The following GRID2IP variants were observed in gnomAD, a reference collection of about 807,000 sequenced individuals.
The protein encoded by GRID2IP is delphilin.
A neutral mutation model predicts 114.3 loss-of-function variants in GRID2IP; 78 were observed. That is an observed-to-expected ratio of 0.68 (90% confidence interval 0.57 to 0.82). The LOEUF is 0.82. Ranked by LOEUF, GRID2IP falls within the 40% of genes least tolerant of loss-of-function variation. The pLI, the probability that GRID2IP is intolerant of heterozygous loss-of-function variation, is 0.00. For missense variants in GRID2IP, 1,727 were observed against 1,678.5 expected, an observed-to-expected ratio of 1.03 and a Z score of -0.51; for synonymous variants, 809 against 724.0, an observed-to-expected ratio of 1.12 and a Z score of -1.89.
chr7:6,531,187 A>G (rs2115086676), intron 2 of GRID2IP: 1 of 482,058 alleles, frequency 2.1e-6, no homozygotes, highest in African/African-American at 2.0e-5. Context: ...CCGCGACTCC[A>G]CGCACCTCTG....
intron 16 of GRID2IP, 105 bp from the exon 17 acceptor site, chr7:6,503,268 C>T (rs1786470106): frequency 8.4e-7 from 1 of 1,184,444 alleles, no homozygotes. Context: ...TGCTTCGGCC[C>T]GATATTCCGG....
In GRID2IP at chr7:6,551,157, C is replaced by G. The variant is rs541356018; in HGVS notation, c.280G>C (p.Gly94Arg). The G allele has an allele frequency of 3.7e-6, 5 of 1,343,322 alleles. No homozygotes were observed. In the South Asian group the frequency reaches 7.1e-5, roughly 19 times the overall value. 83.2% of individuals were successfully genotyped at this position (1,343,322 alleles called of 1,614,324 possible). A position where few individuals can be genotyped will look rare whatever the true frequency, so the allele number is the denominator to read the frequency against. Residue 94 changes from glycine to arginine, a missense_variant, in exon 1 of 22, where the codon GGC becomes CGC. Transcript: ENST00000457091. ...APDGGPGPGSGPAAPTTVLRA... is the reference protein window; with the variant it reads ...APDGGPGPGSRPAAPTTVLRA... Reference sequence around the variant, plus strand: ...AAGACTGTGGTCGGGGCCGCGGGGCCGGATCCTGGGCCGGGGCCACCGTCG... The same window carrying G: ...AAGACTGTGGTCGGGGCCGCGGGGCGGGATCCTGGGCCGGGGCCACCGTCG...
rs1418184400 is a variant in GRID2IP at position 6,525,740 on chromosome 7, C to T, written c.919+484G>A. On this transcript the variant is annotated intron_variant, in intron 4 of 21. Coordinates refer to ENST00000457091, the MANE Select transcript of GRID2IP (RefSeq NM_001145118.2). ...TCCATATTCAGCAGGTGTTAGACAG[C>T]AGGCAGAGGCCCTGAGGCCCTTTTG... Among the ~76,000 whole-genome samples, 4 of 152,284 alleles carry T rather than the reference C, an allele frequency of 2.6e-5. No individual in the cohort carries two copies. In the South Asian group the frequency reaches 8.3e-4, roughly 32 times the overall value.
At chr7:6,542,902 T>G (rs1355059813) in intron 1 of GRID2IP, among the ~76,000 whole-genome samples, 2 of 152,196 alleles carry the variant, frequency 1.3e-5, no homozygotes, top group African/African-American at 4.8e-5. Context: ...CACTGACAGC[T>G]GGAGCTGACC....
chr7:6,549,391 A>G (rs949672245), intron 1 of GRID2IP, among the ~76,000 whole-genome samples: 2 of 152,166 alleles, frequency 1.3e-5, no homozygotes, highest in Non-Finnish European at 2.9e-5. Flanking sequence ...GGTCTGATCC[A>G]TTCCAGGCTC....
At chr7:6,522,112 G>A (rs1779424325) in intron 4 of GRID2IP, among the ~76,000 whole-genome samples, 155 bp from the exon 5 acceptor site, 2 of 152,164 alleles carry the variant, frequency 1.3e-5, no homozygotes, top group African/African-American at 4.8e-5. Context: ...CACTTTGGGA[G>A]GCCAAGGCAG....
In GRID2IP at chr7:6,508,350, C is replaced by T. The variant is rs558639520; in HGVS notation, c.2179G>A (p.Ala727Thr). 2.0e-5 allele frequency: 31 copies of T among 1,551,494 alleles called. No individual in the cohort carries two copies. In the South Asian group the frequency reaches 2.4e-4, roughly 12 times the overall value. The part of the protein sequence containing the change: ...GSFVTNERSS[A>T]SDCISSSEEG... Reference sequence around the variant, plus strand: ...TCACTGCTGCTGATGCAGTCGCTGGCGCTGCTCCGCTCATTGGTTACGAAG... The same window carrying T: ...TCACTGCTGCTGATGCAGTCGCTGGTGCTGCTCCGCTCATTGGTTACGAAG... The change falls in exon 13 of 22, where the codon GCC becomes ACC. Residue 727 changes from alanine to threonine, a missense_variant. By Grantham distance (58) the Ala-to-Thr change is moderately conservative. Transcript: ENST00000457091. The surrounding 1 kb of genome is among the most constrained non-coding windows in gnomAD (Gnocchi z 5.6).
intron 14 of GRID2IP, among the ~76,000 whole-genome samples, chr7:6,505,099 G>A (rs1786537982): frequency 6.6e-6 from 1 of 152,162 alleles, no homozygotes; most frequent in Non-Finnish European, 1.5e-5. Context: ...AGGAAGCCAG[G>A]TCTTTCTGTT....
At position 6,545,864 on chromosome 7, in the gene GRID2IP, C is replaced by T. The variant is rs542651102; in HGVS notation, c.429+5144G>A. Among the ~76,000 whole-genome samples, 8 of 152,224 alleles carry T rather than the reference C, an allele frequency of 5.3e-5. No homozygotes were observed. In the South Asian group the frequency reaches 1.4e-3, roughly 28 times the overall value. ...AGCCGCCCCCTCCCCACGCACGCGC[C>T]GTGCTGGGGAAGGTTGCCAGTTTGG... On this transcript the variant is annotated intron_variant, in intron 1 of 21. Transcript: ENST00000457091.
chr7:6,531,996 C>T (rs73344957), intron 2 of GRID2IP, among the ~76,000 whole-genome samples: 1 of 152,106 alleles, frequency 6.6e-6, no homozygotes, highest in African/African-American at 2.4e-5. Context: ...AGAGGGCCTC[C>T]CAGAGCTGCG....
chr7:6,510,983 G>A lies in GRID2IP; in HGVS notation c.1480C>T (p.Arg494Trp), dbSNP rs753975607. The change falls in exon 9 of 22, where the codon CGG (arginine) becomes TGG (tryptophan). Residue 494 changes from arginine (R) to tryptophan (W), a missense_variant. By Grantham distance (101) the Arg-to-Trp change is moderately radical (BLOSUM62 -3). Transcript: ENST00000457091. ...ATGGAGGAAGCCCGCAGGGAGCTCC[G>A]CGGCTGGGGCTCAGGCGTGGGCTCG... ...ESEPTPEPQP[R>W]SSLRASSMCR... is the part of the protein sequence containing the mutation. The A allele has an allele frequency of 2.8e-5, 43 of 1,541,920 alleles. No homozygotes were observed. Among genetic ancestry groups the A allele is most frequent in the Non-Finnish European group, 3.1e-5 (35 of 1,142,394 alleles).
rs1374067422 is a variant in GRID2IP, at chr7:6,497,753, G to C, written c.*21C>G. The stretch of plus-strand genomic sequence containing the variant: ...CCTCCATCTCCCTGCTCAGGCCGCA[G>C]AGGACGCGGTGTGGCCACTGTCACC... On this transcript the variant is annotated 3_prime_UTR_variant, in exon 22 of 22. Coordinates refer to ENST00000457091, the MANE Select transcript of GRID2IP (RefSeq NM_001145118.2). 1.9e-6 allele frequency: 3 copies of C among 1,539,896 alleles called. No homozygotes were observed. Among genetic ancestry groups the C allele is most frequent in the East Asian group, 4.9e-5 (2 of 40,710 alleles).
rs1281699044 is a variant in GRID2IP, at chr7:6,551,021, T to G, written c.416A>C (p.Glu139Ala). ...CCCGCGCCTTACCTTGCGGCTGAAC[T>G]CTTGGGCCTTGCGCCTGCGCTCTCG... ...VHRERRRKAQ[E>A]FSRKVDEILG... is the part of the protein sequence containing the mutation. Residue 139 changes from glutamate (E) to alanine (A), a missense_variant, in exon 1 of 22, where the codon GAG (glutamate) becomes GCG (alanine). Transcript: ENST00000457091. The G allele has an allele frequency of 5.2e-6, 6 of 1,153,120 alleles. No homozygotes were observed. The highest frequency in any genetic ancestry group is 4.3e-6 in the Non-Finnish European group (4 of 937,116). 71.4% of individuals were successfully genotyped at this position (1,153,120 alleles called of 1,614,324 possible).
chr7:6,540,890 G>T (rs772801910), intron 1 of GRID2IP, among the ~76,000 whole-genome samples: 1 of 151,856 alleles, frequency 6.6e-6, no homozygotes, highest in Non-Finnish European at 1.5e-5. Context: ...AGGCTGGAGT[G>T]CAGTGGTGTG....
chr7:6,527,336 T>A (rs866946237), intron 2 of GRID2IP, among the ~76,000 whole-genome samples: 3 of 152,152 alleles, frequency 2.0e-5, no homozygotes, highest in African/African-American at 4.8e-5. Context: ...CTCTAAGCTC[T>A]TGCCCAGGCT....
At chr7:6,498,572 CTTTTTTTTT>C (rs34146767) in intron 20 of GRID2IP, among the ~76,000 whole-genome samples, 4 of 68,126 alleles carry the variant, frequency 5.9e-5, no homozygotes, top group East Asian at 4.9e-4. Context: ...CTAGGCCTTA[CTTTTTTTTT>C]TTTTTTTTTT....
Position 6,526,661 on chromosome 7 carries a change from G to T in GRID2IP, c.693C>A (p.Arg231=). Residue 231 remains arginine (R), a synonymous_variant, in exon 3 of 22, where the codon CGC becomes CGA. Coordinates refer to ENST00000457091, the MANE Select transcript of GRID2IP (RefSeq NM_001145118.2). The surrounding 1 kb of genome is among the most constrained non-coding windows in gnomAD (Gnocchi z 7.6). ...CCGGCCGCTCCTCGCTGCGGCTCCG[G>T]CGCAGTCGCTGCGCGCCCTGGGCCC... ...ARRAQGAQRL[R]RSRSEERPER... 6.9e-7 allele frequency: 1 copy of T among 1,452,504 alleles called. No individual in the cohort carries two copies. The allele number at this position is 1,452,504 out of a possible 1,614,324, so 90.0% of individuals were successfully genotyped here. A position where few individuals can be genotyped will look rare whatever the true frequency, so the allele number is the denominator to read the frequency against.
rs778965989 is a variant in GRID2IP, at chr7:6,499,051, A to G, written c.3400-823T>C. ...AAAAAGATTCAGTGGCTGAATCGCT[A>G]TCATTTTTTCAGCACTTAAAATGGT... On this transcript the variant is annotated intron_variant, in intron 20 of 21. Coordinates refer to ENST00000457091, the MANE Select transcript of GRID2IP (RefSeq NM_001145118.2). 9.6e-4 allele frequency among the ~76,000 whole-genome samples: 146 copies of G among 152,324 alleles called. 1 individual carries two copies. Among genetic ancestry groups the G allele is most frequent in the Non-Finnish European group, 1.8e-3 (125 of 68,026 alleles).
chr7:6,505,987 C>A, intron 13 of GRID2IP, 80 bp from the exon 14 acceptor site: 1 of 990,474 alleles, frequency 1.0e-6, no homozygotes, highest in Non-Finnish European at 1.5e-6. Flanking sequence ...CCTCTGAGGG[C>A]TGCCATAGGG....
Sources: allele counts gnomAD v4.1 joint callset (sites outside exome capture counted in the v4.1 genomes callset), GRCh38; gene constraint gnomAD v4.1.1; non-coding constraint Gnocchi (gnomAD v3.1); transcripts MANE v1.5; gene names NCBI Gene and HGNC (gene_info 2026-07-23, HGNC 2026-07-21).